MMP26: variants seen among roughly 807,000 people sequenced by gnomAD.
The protein encoded by MMP26 is matrix metallopeptidase 26, also known as matrix metalloproteinase-26.
MMP26 carries 33 observed loss-of-function variants against 31.0 expected under a neutral mutation model. The ratio of observed to expected loss-of-function variants is 1.06; its 90% CI spans 0.81 to 1.42. The LOEUF is 1.42. Ranked by LOEUF, MMP26 falls within the 40% of genes most tolerant of loss-of-function variation. MMP26 has a pLI of 0.00. For missense variants in MMP26, 347 were observed against 316.1 expected (o/e 1.10, Z -0.74); for synonymous variants, 122 against 114.9 (o/e 1.06, Z -0.40).
At chr11:4,991,007 C>G (rs754327760) in intron 5 of MMP26, among the ~76,000 whole-genome samples, 2 of 152,122 alleles carry the variant, frequency 1.3e-5, no homozygotes, top group Non-Finnish European at 2.9e-5. Flanking sequence ...ATGCATAGCT[C>G]CGAAATCTAT....
At chr11:4,958,608 C>G (rs886805948) in intron 2 of MMP26, among the ~76,000 whole-genome samples, 37 of 152,184 alleles carry the variant, frequency 2.4e-4, no homozygotes, top group African/African-American at 8.9e-4. Flanking sequence ...CATCTATCAT[C>G]TATCTGTATC....
chr11:4,731,626 C>T (rs1004603968), intron 1 of MMP26, among the ~76,000 whole-genome samples: 1 of 152,128 alleles, frequency 6.6e-6, no homozygotes, highest in African/African-American at 2.4e-5. Context: ...TACGTATATA[C>T]CTCTGGTGTG....
intron 2 of MMP26, among the ~76,000 whole-genome samples, chr11:4,960,332 T>C (rs1345432197): frequency 6.6e-6 from 1 of 152,096 alleles, no homozygotes; most frequent in African/African-American, 2.4e-5. Context: ...CTGATTTTTT[T>C]TTTTTCTGTA....
At chr11:4,716,804 C>T (rs959046156) in intron 1 of MMP26, among the ~76,000 whole-genome samples, 6 of 151,592 alleles carry the variant, frequency 4.0e-5, no homozygotes, top group Non-Finnish European at 7.4e-5. Flanking sequence ...TGGGATTACA[C>T]GTGTGTGCCA....
intron 2 of MMP26, among the ~76,000 whole-genome samples, chr11:4,780,513 G>C (rs1848844122): frequency 6.6e-6 from 1 of 151,944 alleles, no homozygotes; most frequent in African/African-American, 2.4e-5. Context: ...TTTTTCTCAA[G>C]ATTATCTATT....
At chr11:4,910,310 A>G (rs139373180) in intron 2 of MMP26, among the ~76,000 whole-genome samples, 2,385 of 152,088 alleles carry the variant, frequency 0.016, 21 homozygotes, top group Non-Finnish European at 0.025. Context: ...ACTTCTAAGG[A>G]TTCATATAAT....
intron 1 of MMP26, among the ~76,000 whole-genome samples, chr11:4,745,779 C>T (rs143197051): frequency 6.6e-6 from 1 of 152,174 alleles, no homozygotes; most frequent in African/African-American, 2.4e-5. Flanking sequence ...TCTCCCTCCC[C>T]ACTCCTGGAA....
At chr11:4,916,275 T>C (rs1375733312) in intron 2 of MMP26, among the ~76,000 whole-genome samples, 2 of 152,172 alleles carry the variant, frequency 1.3e-5, no homozygotes. Context: ...TTTTCTCTTA[T>C]AGCAGCATAC....
chr11:4,978,971 G>A (rs1280581481), intron 2 of MMP26, among the ~76,000 whole-genome samples: 2 of 152,104 alleles, frequency 1.3e-5, no homozygotes, highest in Admixed American at 1.3e-4. Flanking sequence ...ATGATACATT[G>A]AGCTTGCTTA....
chr11:4,782,059 C>G (rs1848871773), intron 2 of MMP26, among the ~76,000 whole-genome samples: 2 of 152,096 alleles, frequency 1.3e-5, no homozygotes, highest in South Asian at 2.1e-4. Context: ...TGACAATAGA[C>G]TAATGCAGTA....
At chr11:4,719,617 A>G (rs1847984571) in intron 1 of MMP26, 1 of 152,284 alleles carries the variant, frequency 6.6e-6, no homozygotes, top group African/African-American at 2.4e-5. Flanking sequence ...GTAAAATGCC[A>G]TTCAGAGAGG....
chr11:4,810,203 T>C (rs1406876539), intron 2 of MMP26, among the ~76,000 whole-genome samples: 6 of 151,840 alleles, frequency 4.0e-5, no homozygotes, highest in African/African-American at 1.2e-4. Flanking sequence ...GTTGTTGAGA[T>C]TGTATGAATG....
intron 1 of MMP26, among the ~76,000 whole-genome samples, chr11:4,732,541 C>CAAAAA (rs56079183): frequency 1.1e-5 from 1 of 94,644 alleles, no homozygotes; most frequent in Non-Finnish European, 2.3e-5. Flanking sequence ...AGACTCGTCT[C>CAAAAA]AAAAAAAAAA....
chr11:4,989,999 C>G lies in MMP26; in HGVS notation c.320+131C>G, dbSNP rs181436354. On this transcript the variant is annotated intron_variant, in intron 4 of 7. Coordinates refer to ENST00000380390, the MANE Select transcript of MMP26 (RefSeq NM_021801.5). Reference sequence around the variant, plus strand: ...GCAGCCCGCTCAAAGCCCAAAATCTCCCTCAGAGAAGGTAATACTACCAGA... The same window carrying G: ...GCAGCCCGCTCAAAGCCCAAAATCTGCCTCAGAGAAGGTAATACTACCAGA... 1.4e-4 allele frequency: 92 copies of G among 677,790 alleles called. No individual in the cohort carries two copies. The East Asian group carries it at 2.4e-3, about 18-fold the overall frequency. 42.0% of individuals were successfully genotyped at this position (677,790 alleles called of 1,614,324 possible).
At chr11:4,884,471 A>T (rs1205904951) in intron 2 of MMP26, among the ~76,000 whole-genome samples, 1 of 152,136 alleles carries the variant, frequency 6.6e-6, no homozygotes, top group Non-Finnish European at 1.5e-5. Flanking sequence ...ACTATTATTC[A>T]AAAGTGCAAG....
At chr11:4,805,446 C>A (rs369547579) in intron 2 of MMP26, among the ~76,000 whole-genome samples, 8 of 152,296 alleles carry the variant, frequency 5.3e-5, no homozygotes, top group African/African-American at 1.9e-4. Context: ...CCATAGTCAA[C>A]ACATAAATGT....
intron 2 of MMP26, among the ~76,000 whole-genome samples, chr11:4,841,731 G>A (rs763744898): frequency 2.9e-4 from 44 of 152,132 alleles, no homozygotes; most frequent in Admixed American, 1.4e-3. Flanking sequence ...TCAGGAGTTC[G>A]AGACCAGTCT....
rs35692032 is a variant in MMP26 at position 4,874,565 on chromosome 11, G to GGTGTGT, written c.-145+107242_-145+107247dup. 2.5e-3 allele frequency among the ~76,000 whole-genome samples: 371 copies of GGTGTGT among 148,992 alleles called. 4 individuals are homozygous for GGTGTGT. The highest frequency in any genetic ancestry group is 6.0e-3 in the South Asian group (28 of 4,646). ...CTTGTATATGTGTGTGTGGTGTGTT[G>GGTGTGT]GTGTGTGTGTGTGTGTGTGTGTGCA... On this transcript the variant is annotated intron_variant, in intron 2 of 7. Transcript: ENST00000380390.
chr11:4,769,009 C>G (rs764682223), intron 2 of MMP26: 2 of 1,519,424 alleles, frequency 1.3e-6, no homozygotes, highest in South Asian at 2.7e-5. Context: ...TGAGCATAGC[C>G]TTGCGGATTT....
Sources: gnomAD v4.1 joint callset for allele counts (sites outside exome capture counted in the v4.1 genomes callset) on GRCh38, gnomAD v4.1.1 for gene constraint, MANE v1.5 for transcripts, NCBI Gene and HGNC (gene_info 2026-07-23, HGNC 2026-07-21) for gene names.